PHB2: variants seen among roughly 807,000 people sequenced by gnomAD.
The protein encoded by PHB2 is prohibitin 2.
A neutral mutation model predicts 46.4 loss-of-function variants in PHB2; 22 were observed. The ratio of observed to expected loss-of-function variants is 0.47; its 90% CI spans 0.34 to 0.68. The LOEUF is 0.68. Among genes scored for constraint, PHB2 ranks in the 30% least tolerant of loss-of-function variants. The pLI, the probability that PHB2 is intolerant of heterozygous loss-of-function variation, is 0.01. For missense variants in PHB2, 305 were observed against 382.8 expected (o/e 0.80, Z 1.70); for synonymous variants, 156 against 150.5 (o/e 1.04, Z -0.27).
intron 3 of PHB2, among the ~76,000 whole-genome samples, chr12:6,969,283 T>C (rs781869099): frequency 2.6e-5 from 4 of 152,356 alleles, no homozygotes; most frequent in Non-Finnish European, 4.4e-5. Flanking sequence ...AATACTCTTA[T>C]TGAATACACG....
At chr12:6,965,799 C>G (rs1946202558) in intron 9 of PHB2, 87 bp from the exon 10 acceptor site, 1 of 1,550,734 alleles carries the variant, frequency 6.4e-7, no homozygotes, top group Non-Finnish European at 8.9e-7. Context: ...CTCTACGACC[C>G]TCCTACCCTG....
chr12:6,968,310 G>A, intron 4 of PHB2, 101 bp downstream of exon 4: 1 of 879,092 alleles, frequency 1.1e-6, no homozygotes, highest in South Asian at 1.6e-5. Flanking sequence ...AATGGCACTA[G>A]GGTGACAATG....
intron 8 of PHB2, 108 bp from the exon 9 acceptor site, chr12:6,966,024 G>C: frequency 8.2e-7 from 1 of 1,225,458 alleles, no homozygotes; most frequent in African/African-American, 1.5e-5. Flanking sequence ...GCTCCCAAGA[G>C]AAAAGATAAA....
At chr12:6,966,604 C>T in intron 7 of PHB2, 104 bp from the exon 8 acceptor site, 6 of 774,944 alleles carry the variant, frequency 7.7e-6, no homozygotes, top group Non-Finnish European at 1.4e-5. Context: ...CAGATTAGGG[C>T]AGGGGTGCAG....
chr12:6,970,053 C>G (rs781902498), intron 2 of PHB2, 143 bp downstream of exon 2: 12 of 734,584 alleles, frequency 1.6e-5, no homozygotes, highest in African/African-American at 1.6e-4. Flanking sequence ...TGGAGGTTCT[C>G]GCAGCACCCA....
intron 9 of PHB2, 52 bp from the exon 10 acceptor site, chr12:6,965,764 G>C: frequency 1.3e-6 from 2 of 1,567,344 alleles, no homozygotes; most frequent in South Asian, 2.2e-5. Context: ...ATAAATGTGA[G>C]AGGCAGGACA....
Sources: gnomAD v4.1 joint callset for allele counts (sites outside exome capture counted in the v4.1 genomes callset) on GRCh38, gnomAD v4.1.1 for gene constraint, MANE v1.5 for transcripts, NCBI Gene and HGNC (gene_info 2026-07-23, HGNC 2026-07-21) for gene names.